The following RALGAPA2 variants were observed in gnomAD, a reference collection of about 807,000 sequenced individuals.
RALGAPA2 encodes the protein ral GTPase-activating protein subunit alpha-2.
RALGAPA2 carries 139 observed loss-of-function variants against 230.4 expected under a neutral mutation model. The ratio of observed to expected loss-of-function variants is 0.60; its 90% CI spans 0.53 to 0.69. The LOEUF (loss-of-function observed/expected upper bound fraction) is 0.69. Among genes scored for constraint, RALGAPA2 ranks in the 30% least tolerant of loss-of-function variants. The pLI is 0.00. For missense variants in RALGAPA2, 2,163 were observed against 2,276.0 expected, an observed-to-expected ratio of 0.95 and a Z score of 1.01; for synonymous variants, 847 against 837.8, an observed-to-expected ratio of 1.01 and a Z score of -0.19.
chr20:20,557,411 T>G (rs548548352), intron 23 of RALGAPA2, among the ~76,000 whole-genome samples: 1 of 152,186 alleles, frequency 6.6e-6, no homozygotes, highest in Non-Finnish European at 1.5e-5. Context: ...CACACAAACA[T>G]AGGTACTGCA....
At chr20:20,611,447 G>A in intron 13 of RALGAPA2, 21 bp from the exon 14 acceptor site, 1 of 1,606,364 alleles carries the variant, frequency 6.2e-7, no homozygotes. Context: ...CAAAATAAAA[G>A]CTCATATTAA....
At chr20:20,616,219 A>T (rs1377407829) in intron 12 of RALGAPA2, 28 bp from the exon 13 acceptor site, 1 of 1,409,822 alleles carries the variant, frequency 7.1e-7, no homozygotes, top group South Asian at 1.5e-5. Flanking sequence ...TACATTAGAA[A>T]ATATAACTGA....
At chr20:20,461,997 G>A (rs2061313694) in intron 37 of RALGAPA2, among the ~76,000 whole-genome samples, 1 of 152,220 alleles carries the variant, frequency 6.6e-6, no homozygotes, top group Admixed American at 6.5e-5. Flanking sequence ...TTGTGCTGGA[G>A]AGTTTAAACA....
intron 6 of RALGAPA2, among the ~76,000 whole-genome samples, chr20:20,640,189 A>G (rs557369414): frequency 3.3e-5 from 5 of 152,322 alleles, no homozygotes; most frequent in Middle Eastern, 3.4e-3. Flanking sequence ...GTAATAAATC[A>G]ATGGTCCTAA....
intron 3 of RALGAPA2, among the ~76,000 whole-genome samples, chr20:20,667,595 C>T (rs1012288581): frequency 6.6e-6 from 1 of 152,130 alleles, no homozygotes; most frequent in African/African-American, 2.4e-5. Context: ...TAGAAGAAAC[C>T]CACATGTCAT....
intron 16 of RALGAPA2, chr20:20,598,851 A>T (rs2065545902): frequency 2.2e-6 from 1 of 444,898 alleles, no homozygotes; most frequent in African/African-American, 2.0e-5. Context: ...TAATTATGTC[A>T]GAAGAACAAT....
chr20:20,440,829 T>A (rs2060723515), intron 37 of RALGAPA2, among the ~76,000 whole-genome samples: 1 of 152,246 alleles, frequency 6.6e-6, no homozygotes, highest in South Asian at 2.1e-4. Context: ...GGACCCACTT[T>A]CTTCAGAATG....
rs2059581201 is a variant in RALGAPA2 at position 20,390,152 on chromosome 20, G to C, written c.*3137C>G. 1 of 152,152 alleles carries C rather than the reference G, an allele frequency of 6.6e-6. No homozygotes were observed. Among genetic ancestry groups the C allele is most frequent in the African/African-American group, 2.4e-5 (1 of 41,416 alleles). 9.4% of individuals were successfully genotyped at this position (152,152 alleles called of 1,614,324 possible). Reference sequence around the variant, plus strand: ...ATGACACCGATACAGCAGGTCCATGGGGCGCAGGTGGTGCCACCTGAGGAA... The same window carrying C: ...ATGACACCGATACAGCAGGTCCATGCGGCGCAGGTGGTGCCACCTGAGGAA... On this transcript the variant is annotated 3_prime_UTR_variant, in exon 40 of 40. Transcript: ENST00000202677.
Position 20,619,260 on chromosome 20 carries a change from C to G in RALGAPA2, c.1539+17G>C, listed in dbSNP as rs1187305939. ...GTAGGCGGTGGAGGGGTCTTCATGT[C>G]CTGGCCAGCCACATACCTGCAACAA... is the stretch of plus-strand genomic sequence containing the variant. On this transcript the variant is annotated intron_variant, in intron 12 of 39. Coordinates refer to ENST00000202677, the MANE Select transcript of RALGAPA2 (RefSeq NM_020343.4). 1 of 1,583,370 alleles carries G rather than the reference C, an allele frequency of 6.3e-7. No individual in the cohort carries two copies. Among genetic ancestry groups the G allele is most frequent in the East Asian group, 2.3e-5 (1 of 44,182 alleles).
At chr20:20,646,711 A>C (rs1460871796) in intron 4 of RALGAPA2, among the ~76,000 whole-genome samples, 1 of 152,142 alleles carries the variant, frequency 6.6e-6, no homozygotes, top group African/African-American at 2.4e-5. Context: ...TTTAAGGGAT[A>C]CTAAAAAACT....
At chr20:20,562,448 A>G (rs2064285402) in intron 23 of RALGAPA2, among the ~76,000 whole-genome samples, 1 of 152,210 alleles carries the variant, frequency 6.6e-6, no homozygotes, top group Admixed American at 6.5e-5. Flanking sequence ...TTTCCCACAT[A>G]TACTGAGAGT....
intron 39 of RALGAPA2, among the ~76,000 whole-genome samples, chr20:20,395,939 T>A (rs2059705341): frequency 6.6e-6 from 1 of 152,366 alleles, no homozygotes; most frequent in East Asian, 1.9e-4. Flanking sequence ...GGCATTGCCG[T>A]GATCCTTGTC....
At chr20:20,521,148 TC>T in intron 30 of RALGAPA2, 48 bp from the exon 31 acceptor site, 1 of 1,480,960 alleles carries the variant, frequency 6.8e-7, no homozygotes, top group Non-Finnish European at 9.2e-7. Flanking sequence ...TCACCGCGTG[TC>T]CCCTGACAAT....
At chr20:20,654,888 A>G (rs1291527675) in intron 3 of RALGAPA2, among the ~76,000 whole-genome samples, 6 of 152,136 alleles carry the variant, frequency 3.9e-5, no homozygotes. Flanking sequence ...CCTTTTCTCT[A>G]CATCCTCACC....
chr20:20,451,991 T>C lies in RALGAPA2; in HGVS notation c.5495+20838A>G, dbSNP rs982127430. Among the ~76,000 whole-genome samples the C allele has an allele frequency of 3.9e-5, 6 of 152,318 alleles. No individual in the cohort carries two copies. In the East Asian group the frequency reaches 7.7e-4, roughly 20 times the overall value. On this transcript the variant is annotated intron_variant, in intron 37 of 39. Coordinates refer to ENST00000202677, the MANE Select transcript of RALGAPA2 (RefSeq NM_020343.4). ...TAAGAGCATTAGGCAGTAGTTTCTA[T>C]GAAGCTTTTAAAAGAGAAAGTTAAC... is the stretch of plus-strand genomic sequence containing the variant.
intron 16 of RALGAPA2, among the ~76,000 whole-genome samples, chr20:20,595,265 T>C (rs1266785174): frequency 6.6e-6 from 1 of 152,198 alleles, no homozygotes; most frequent in African/African-American, 2.4e-5. Flanking sequence ...TAACCAAAAT[T>C]CTGAGTTCCA....
rs914147447 is a variant in RALGAPA2, at chr20:20,605,298, C to T, written c.1915G>A (p.Glu639Lys). ...AAGGAGTCCATAATGTTGGCCCACT[C>T]GTTTATAAGTTCCTCCCATTCCGTG... is the stretch of plus-strand genomic sequence containing the variant. The part of the protein sequence containing the change: ...SLTEWEELIN[E>K]WANIMDSLTA... The change falls in exon 15 of 40, where the codon GAG (glutamate) becomes AAG (lysine). Residue 639 changes from glutamate to lysine, a missense_variant. Coordinates refer to ENST00000202677, the MANE Select transcript of RALGAPA2 (RefSeq NM_020343.4). The T allele has an allele frequency of 3.7e-6, 6 of 1,613,754 alleles. No homozygotes were observed. The highest frequency in any genetic ancestry group is 5.1e-6 in the Non-Finnish European group (6 of 1,179,784).
At chr20:20,577,162 T>C (rs1012726547) in intron 20 of RALGAPA2, among the ~76,000 whole-genome samples, 2 of 152,120 alleles carry the variant, frequency 1.3e-5, no homozygotes, top group South Asian at 2.1e-4. Flanking sequence ...GTATATGTTG[T>C]TGGCATTTTT....
chr20:20,552,448 T>G (rs2063953845), intron 23 of RALGAPA2, among the ~76,000 whole-genome samples: 1 of 152,226 alleles, frequency 6.6e-6, no homozygotes, highest in South Asian at 2.1e-4. Context: ...GATGAATTCA[T>G]CACTGTTTTT....
Sources: gnomAD v4.1 joint callset for allele counts (sites outside exome capture counted in the v4.1 genomes callset) on GRCh38, gnomAD v4.1.1 for gene constraint, MANE v1.5 for transcripts, NCBI Gene and HGNC (gene_info 2026-07-23, HGNC 2026-07-21) for gene names.